The following AGAP6 variants were observed in gnomAD, a reference collection of about 807,000 sequenced individuals.
The protein encoded by AGAP6 is ArfGAP with GTPase domain, ankyrin repeat and PH domain 6, also known as arf-GAP with GTPase, ANK repeat and PH domain-containing protein 6.
AGAP6 carries 29 observed loss-of-function variants against 63.9 expected under a neutral mutation model. That is an observed-to-expected ratio of 0.45 (90% CI 0.34 to 0.62). The LOEUF (loss-of-function observed/expected upper bound fraction) is 0.62. Among genes scored for constraint, AGAP6 ranks in the 20% least tolerant of loss-of-function variants. AGAP6 has a pLI of 0.01. For missense variants in AGAP6, 493 were observed against 884.9 expected, an observed-to-expected ratio of 0.56 and a Z score of 5.62; for synonymous variants, 199 against 332.9, an observed-to-expected ratio of 0.60 and a Z score of 4.38.
chr10:50,004,652 A>T, intron 5 of AGAP6, 33 bp from the exon 6 acceptor site: 1 of 1,121,816 alleles, frequency 8.9e-7, no homozygotes, highest in Non-Finnish European at 1.2e-6. Flanking sequence ...AAATGATAAC[A>T]TCTATTGTTA....
At chr10:50,008,357 C>T (rs529626999) in intron 7 of AGAP6, among the ~76,000 whole-genome samples, 7 of 147,906 alleles carry the variant, frequency 4.7e-5, no homozygotes, top group East Asian at 2.0e-4. Flanking sequence ...GGAGTGCAAT[C>T]GCGCGATCTT....
intron 3 of AGAP6, among the ~76,000 whole-genome samples, chr10:49,992,750 G>A (rs1280719577): frequency 2.6e-5 from 4 of 151,722 alleles, no homozygotes; most frequent in African/African-American, 9.7e-5. Context: ...GGGGAAGGGG[G>A]AAGGTACCAC....
Position 50,009,160 on chromosome 10 carries a change from A to G in AGAP6, c.1035A>G (p.Pro345=), listed in dbSNP as rs1554864810. 6.2e-7 allele frequency: 1 copy of G among 1,614,216 alleles called. No individual in the cohort carries two copies. Among genetic ancestry groups the G allele is most frequent in the Admixed American group, 1.7e-5 (1 of 60,026 alleles). The part of the protein sequence containing the change: ...TSTIKVPGKW[P]SLATSACTPI... ...CCATCAAAGTCCCAGGAAAGTGGCC[A>G]TCCCTAGCCACATCGGCCTGCACAC... The change falls in exon 8 of 8, where the codon CCA becomes CCG. Residue 345 remains proline, a synonymous_variant. Coordinates refer to ENST00000412531, the MANE Select transcript of AGAP6 (RefSeq NM_001077665.3).
At position 50,009,575 on chromosome 10, in the gene AGAP6, AC is replaced by A; in HGVS notation, c.1453del (p.Gln485ArgfsTer8). 3 of 1,614,034 alleles carry A rather than the reference AC, an allele frequency of 1.9e-6. No homozygotes were observed. Among genetic ancestry groups the A allele is most frequent in the Admixed American group, 1.7e-5 (1 of 60,028 alleles). On this transcript the variant is annotated frameshift_variant, in exon 8 of 8. Transcript: ENST00000412531. LOFTEE classifies it high-confidence loss of function. ...GAACGCCCACTGTGTGGACTGTGAG[AC>A]CCAGAATCCTAAGTGGGCCAGTTTG... ...RGNAHCVDCE[T>X]QNPKWASLNL...
intron 4 of AGAP6, among the ~76,000 whole-genome samples, chr10:49,996,116 A>G (rs192152641): frequency 1.1e-4 from 16 of 152,072 alleles, no homozygotes; most frequent in Non-Finnish European, 1.9e-4. Context: ...GTATGCCTGC[A>G]TTGATTTTTA....
chr10:49,994,296 G>A, intron 3 of AGAP6, 99 bp from the exon 4 acceptor site: 1 of 1,257,624 alleles, frequency 8.0e-7, no homozygotes. Flanking sequence ...ATGGAATTTT[G>A]TCTCATTTTA....
rs1276345485 is a variant in AGAP6, at chr10:50,008,843, C to G, written c.718C>G (p.Pro240Ala). ...QFSVPPTANT[P>A]TPVCKRSMRW... ...CAGTGTTCCTCCCACTGCCAACACA[C>G]CCACGCCCGTTTGCAAGCGGTCCAT... Residue 240 changes from proline (P) to alanine (A), a missense_variant, in exon 8 of 8, where the codon CCC becomes GCC. Physicochemically the swap from Pro to Ala is conservative, Grantham distance 27 (BLOSUM62 -1). This residue lies in a region of AGAP6 where 342 missense variants were observed against 533.4 expected (regional missense o/e 0.64). Coordinates refer to ENST00000412531, the MANE Select transcript of AGAP6 (RefSeq NM_001077665.3). 8.1e-6 allele frequency: 13 copies of G among 1,613,946 alleles called. No individual in the cohort carries two copies. The African/African-American group carries it at 1.7e-4, about 22-fold the overall frequency.
chr10:50,007,233 A>T (rs1554864062), intron 6 of AGAP6, among the ~76,000 whole-genome samples: 1 of 146,400 alleles, frequency 6.8e-6, no homozygotes, highest in African/African-American at 2.5e-5. Flanking sequence ...CTCTACTAAA[A>T]ATACAAAACT....
chr10:49,988,784 G>C lies in AGAP6; in HGVS notation c.69G>C (p.Ser23=), dbSNP rs782058724. ...TCGAGTTTGACCAGCAGCAGGGGTC[G>C]GTGTGTCCCTCTGAATCTGAGACCT... ...VSLEFDQQQG[S]VCPSESETYE... The change falls in exon 1 of 8, where the codon TCG becomes TCC. Residue 23 remains serine, a synonymous_variant. Transcript: ENST00000412531. 6.3e-7 allele frequency: 1 copy of C among 1,597,028 alleles called. No individual in the cohort carries two copies. The highest frequency in any genetic ancestry group is 8.5e-7 in the Non-Finnish European group (1 of 1,179,510).
chr10:49,989,732 G>A (rs1244909258), intron 2 of AGAP6, among the ~76,000 whole-genome samples: 2 of 152,106 alleles, frequency 1.3e-5, no homozygotes, highest in Non-Finnish European at 2.9e-5. Context: ...ACTGTAATTT[G>A]AACACAAAAG....
rs1398621320 is a variant in AGAP6, at chr10:50,010,192, G to C, written c.*6G>C. On this transcript the variant is annotated 3_prime_UTR_variant, in exon 8 of 8. Transcript: ENST00000412531. ...GCCCCGACGAGTGTGTGTAGTATCTGTTTTATTTGACTGCAGTCTCCTTGG... is the reference window on the plus strand; with the variant it reads ...GCCCCGACGAGTGTGTGTAGTATCTCTTTTATTTGACTGCAGTCTCCTTGG... 9 of 1,592,468 alleles carry C rather than the reference G, an allele frequency of 5.7e-6. No homozygotes were observed. Among genetic ancestry groups the C allele is most frequent in the Non-Finnish European group, 6.8e-6 (8 of 1,168,652 alleles).
intron 4 of AGAP6, among the ~76,000 whole-genome samples, chr10:50,000,191 C>T (rs1210988903): frequency 7.7e-5 from 5 of 65,356 alleles, no homozygotes; most frequent in Admixed American, 2.4e-4. Context: ...TGCTGCCTGA[C>T]GTTAGAGTAT....
At chr10:49,990,806 G>T (rs1841243590) in intron 2 of AGAP6, among the ~76,000 whole-genome samples, 1 of 152,180 alleles carries the variant, frequency 6.6e-6, no homozygotes, top group African/African-American at 2.4e-5. Flanking sequence ...TTATGAGTGT[G>T]ACTTTGTAAC....
intron 4 of AGAP6, among the ~76,000 whole-genome samples, chr10:49,999,947 A>G (rs1841635383): frequency 7.1e-6 from 1 of 141,772 alleles, no homozygotes; most frequent in Admixed American, 7.8e-5. Flanking sequence ...TACAAGGAAA[A>G]CAACTTTAGT....
At chr10:50,001,905 AAGACATATCTT>A (rs1408740678) in intron 4 of AGAP6, 80 bp from the exon 5 acceptor site, 42 of 1,241,078 alleles carry the variant, frequency 3.4e-5, no homozygotes, top group Non-Finnish European at 4.8e-5. Flanking sequence ...CATGGAGTGT[AAGACATATCTT>A]AGTGCTTTGT....
intron 2 of AGAP6, among the ~76,000 whole-genome samples, chr10:49,991,348 A>T (rs1200905796): frequency 1.4e-5 from 2 of 145,382 alleles, no homozygotes; most frequent in African/African-American, 5.0e-5. Flanking sequence ...TGCAAAGTTG[A>T]TTTTAGACAA....
chr10:50,006,330 T>G (rs1181705791), intron 6 of AGAP6, among the ~76,000 whole-genome samples: 1 of 152,190 alleles, frequency 6.6e-6, no homozygotes, highest in Non-Finnish European at 1.5e-5. Flanking sequence ...AAAGCTTAAA[T>G]TTTATCATTG....
intron 2 of AGAP6, among the ~76,000 whole-genome samples, chr10:49,990,008 G>A (rs1317655652): frequency 2.6e-5 from 4 of 152,208 alleles, no homozygotes; most frequent in African/African-American, 7.2e-5. Flanking sequence ...GACATGAAAC[G>A]TCAATGTAGA....
At chr10:50,003,703 T>C (rs1477181647) in intron 5 of AGAP6, among the ~76,000 whole-genome samples, 5 of 152,134 alleles carry the variant, frequency 3.3e-5, no homozygotes, top group Non-Finnish European at 7.4e-5. Context: ...TGCAGCAAAG[T>C]TTGAGAGCCA....
Sources: allele counts gnomAD v4.1 joint callset (sites outside exome capture counted in the v4.1 genomes callset), GRCh38; gene constraint gnomAD v4.1.1; regional missense constraint gnomAD v4.1.1; transcripts MANE v1.5; gene names NCBI Gene and HGNC (gene_info 2026-07-23, HGNC 2026-07-21).